Variants in PMEPA1 observed in about 807,000 individuals in gnomAD.
PMEPA1 encodes the protein protein TMEPAI.
Under a neutral mutation model 23.0 loss-of-function variants are expected in PMEPA1, and 11 were observed. The observed-to-expected ratio is 0.48, with a 90% confidence interval of 0.30 to 0.79. PMEPA1 has a LOEUF of 0.79. Ranked by LOEUF, PMEPA1 falls within the 30% of genes least tolerant of loss-of-function variation. PMEPA1 has a pLI of 0.06. For missense variants in PMEPA1, 377 were observed against 390.9 expected (o/e 0.96, Z 0.30); for synonymous variants, 204 against 166.4 (o/e 1.23, Z -1.74).
chr20:57,677,007 C>T (rs1310878261), intron 1 of PMEPA1, among the ~76,000 whole-genome samples: 2 of 152,270 alleles, frequency 1.3e-5, no homozygotes, highest in Non-Finnish European at 2.9e-5. Flanking sequence ...CTTCCCATCT[C>T]CTTCCTCGCT....
rs545853098 is a variant in PMEPA1, at chr20:57,667,436, C to T, written c.110-7739G>A. On this transcript the variant is annotated intron_variant, in intron 1 of 3. Transcript: ENST00000341744. Reference sequence around the variant, plus strand: ...CGGCGACTGAGTTTCTCAGAAATAACGGGGGCAACAATGGGGTGCTGGGGC... The same window carrying T: ...CGGCGACTGAGTTTCTCAGAAATAATGGGGGCAACAATGGGGTGCTGGGGC... 5.3e-5 allele frequency among the ~76,000 whole-genome samples: 8 copies of T among 152,248 alleles called. No homozygotes were observed. The East Asian group carries it at 9.7e-4, about 18-fold the overall frequency.
chr20:57,666,917 C>T (rs1423483952), intron 1 of PMEPA1, among the ~76,000 whole-genome samples: 1 of 152,186 alleles, frequency 6.6e-6, no homozygotes, highest in Non-Finnish European at 1.5e-5. Flanking sequence ...GGCGAGGGGA[C>T]GGGCCTGGAA....
At chr20:57,690,957 C>T (rs1055466356) in intron 1 of PMEPA1, among the ~76,000 whole-genome samples, 23 of 152,188 alleles carry the variant, frequency 1.5e-4, no homozygotes, top group African/African-American at 5.3e-4. Flanking sequence ...CTGGGGATCC[C>T]GCTTACAAGG....
chr20:57,708,639 G>C (rs367823655), intron 1 of PMEPA1, among the ~76,000 whole-genome samples: 2 of 152,272 alleles, frequency 1.3e-5, no homozygotes, highest in South Asian at 4.1e-4. Context: ...GAACCAAGCT[G>C]TCCAGACAGA....
chr20:57,652,272 G>A lies in PMEPA1; in HGVS notation c.645C>T (p.Ser215=), dbSNP rs779254855. The change falls in exon 4 of 4, where the codon AGC becomes AGT. Residue 215 remains serine (S), a synonymous_variant. Coordinates refer to ENST00000341744, the MANE Select transcript of PMEPA1 (RefSeq NM_020182.5). This position sits in a 1 kb window ranked among gnomAD's most constrained non-coding sequence, Gnocchi z 6.1. Reference sequence around the variant, plus strand: ...GCCCGCCGCTGCCGTAGCACGTGGCGCTGATGCCCGAGTTACTGCTGGGGG... The same window carrying A: ...GCCCGCCGCTGCCGTAGCACGTGGCACTGATGCCCGAGTTACTGCTGGGGG... ...PCPPSSNSGI[S]ATCYGSGGRM... 1.9e-6 allele frequency: 3 copies of A among 1,608,766 alleles called. No individual in the cohort carries two copies. The highest frequency in any genetic ancestry group is 1.1e-5 in the South Asian group (1 of 91,050).
chr20:57,651,670 T>C lies in PMEPA1; in HGVS notation c.*383A>G, dbSNP rs2071230576. 1 of 151,894 alleles carries C rather than the reference T, an allele frequency of 6.6e-6. No individual in the cohort carries two copies. Among genetic ancestry groups the C allele is most frequent in the African/African-American group, 2.4e-5 (1 of 41,322 alleles). The allele number at this position is 151,894 out of a possible 1,614,324, so 9.4% of individuals were successfully genotyped here. A position where few individuals can be genotyped will look rare whatever the true frequency, so the allele number is the denominator to read the frequency against. On this transcript the variant is annotated 3_prime_UTR_variant, in exon 4 of 4. Transcript: ENST00000341744. ...ATATTTATATATATAATATTGCAGA[T>C]CTTTAAACAAAGGTTTTGTGCAAAT...
At chr20:57,657,031 G>A (rs1258005665) in intron 2 of PMEPA1, among the ~76,000 whole-genome samples, 1 of 152,198 alleles carries the variant, frequency 6.6e-6, no homozygotes, top group East Asian at 1.9e-4. Context: ...AGGCGGCTGG[G>A]TAGACAGTGG....
chr20:57,667,052 GA>G (rs1265361530), intron 1 of PMEPA1, among the ~76,000 whole-genome samples: 1 of 152,240 alleles, frequency 6.6e-6, no homozygotes, highest in African/African-American at 2.4e-5. Flanking sequence ...TCCAGAGCTG[GA>G]AGGCCTGTAC....
At chr20:57,672,371 G>A (rs992611993) in intron 1 of PMEPA1, among the ~76,000 whole-genome samples, 3 of 152,256 alleles carry the variant, frequency 2.0e-5, no homozygotes, top group Admixed American at 1.3e-4. Context: ...CCAGGATGGC[G>A]GGCGGCGCCC....
intron 1 of PMEPA1, among the ~76,000 whole-genome samples, chr20:57,687,560 C>A (rs1311901240): frequency 6.6e-6 from 1 of 152,244 alleles, no homozygotes; most frequent in Non-Finnish European, 1.5e-5. Flanking sequence ...AGCTTCCTCT[C>A]CCCACTGCAC....
Position 57,709,709 on chromosome 20 carries a change from GCCGGGCTCGGGTCGCC to G in PMEPA1, c.-143_-128del, listed in dbSNP as rs2072142785. 1 of 977,950 alleles carries G rather than the reference GCCGGGCTCGGGTCGCC, an allele frequency of 1.0e-6. No homozygotes were observed. Among genetic ancestry groups the G allele is most frequent in the African/African-American group, 1.8e-5 (1 of 56,124 alleles). The allele number at this position is 977,950 out of a possible 1,614,324, so 60.6% of individuals were successfully genotyped here. On this transcript the variant is annotated 5_prime_UTR_variant, in exon 1 of 4. Transcript: ENST00000341744. Reference sequence around the variant, plus strand: ...CGGCGGGGGAGGCGCGCCCCGGCTCGCCGGGCTCGGGTCGCCGCCAAGTTCCCGGGGCGCCGCGGGG... The same window carrying G: ...CGGCGGGGGAGGCGCGCCCCGGCTCGGCCAAGTTCCCGGGGCGCCGCGGGG...
At chr20:57,665,308 G>A (rs185986522) in intron 1 of PMEPA1, among the ~76,000 whole-genome samples, 252 of 152,230 alleles carry the variant, frequency 1.7e-3, no homozygotes, top group Middle Eastern at 0.014. Context: ...GCCCAGAGCC[G>A]CCATATAGGA....
intron 1 of PMEPA1, among the ~76,000 whole-genome samples, chr20:57,668,509 CCT>C (rs1211609588): frequency 2.6e-5 from 4 of 152,236 alleles, no homozygotes; most frequent in Non-Finnish European, 4.4e-5. Flanking sequence ...ACGCCTGTCC[CCT>C]GTCCCCACAA....
intron 1 of PMEPA1, among the ~76,000 whole-genome samples, chr20:57,680,207 A>C (rs1407452453): frequency 6.6e-6 from 1 of 152,252 alleles, no homozygotes; most frequent in African/African-American, 2.4e-5. Context: ...GGTTGTGCTA[A>C]GAGCTTTAAG....
chr20:57,694,101 G>C (rs1393491153), intron 1 of PMEPA1, among the ~76,000 whole-genome samples: 1 of 152,198 alleles, frequency 6.6e-6, no homozygotes, highest in East Asian at 1.9e-4. Flanking sequence ...CTGTGACCTT[G>C]ATCTCATTAG....
chr20:57,702,678 G>A (rs1287995221), intron 1 of PMEPA1, among the ~76,000 whole-genome samples: 1 of 152,166 alleles, frequency 6.6e-6, no homozygotes, highest in East Asian at 1.9e-4. Flanking sequence ...AATCCCAATG[G>A]AGCATCAGTT....
At chr20:57,699,876 G>A (rs2071987954) in intron 1 of PMEPA1, 3 of 380,290 alleles carry the variant, frequency 7.9e-6, no homozygotes, top group South Asian at 1.9e-5. Flanking sequence ...ACTCCAACAA[G>A]GGACCTCAGA....
At chr20:57,710,304 C>A (rs934544544), upstream of PMEPA1, 3 of 770,142 alleles carry the variant, frequency 3.9e-6, no homozygotes, top group African/African-American at 5.5e-5. Context: ...CAGCCGCACC[C>A]GGGCGGGTTG....
At chr20:57,710,783 A>G (rs969244315), upstream of PMEPA1, 2 of 344,994 alleles carry the variant, frequency 5.8e-6, no homozygotes, top group Middle Eastern at 7.3e-4. Flanking sequence ...ATTAAGTTTT[A>G]ATTACAGGAG....
Sources: gnomAD v4.1 joint callset for allele counts (sites outside exome capture counted in the v4.1 genomes callset) on GRCh38, gnomAD v4.1.1 for gene constraint, Gnocchi (gnomAD v3.1) non-coding constraint, MANE v1.5 for transcripts, NCBI Gene and HGNC (gene_info 2026-07-23, HGNC 2026-07-21) for gene names.